ITGA4: variants seen among roughly 807,000 people sequenced by gnomAD.
ITGA4 encodes the protein integrin subunit alpha 4, also known as integrin alpha-4.
ITGA4 carries 63 observed loss-of-function variants against 133.6 expected under a neutral mutation model. That is an observed-to-expected ratio of 0.47 (90% CI 0.38 to 0.58). The LOEUF (loss-of-function observed/expected upper bound fraction) is 0.58, where lower values mean the gene tolerates loss of function less well. Among genes scored for constraint, ITGA4 ranks in the 20% least tolerant of loss-of-function variants. ITGA4 has a pLI of 0.00. For missense variants in ITGA4, 1,076 were observed against 1,252.7 expected (o/e 0.86, Z 2.13); for synonymous variants, 483 against 438.0 (o/e 1.10, Z -1.28).
At chr2:181,475,730 C>G in intron 4 of ITGA4, 2 of 1,496,252 alleles carry the variant, frequency 1.3e-6, no homozygotes, top group South Asian at 1.3e-5. Flanking sequence ...CTCACTATCT[C>G]TTTTTCTAAT....
chr2:181,501,639 A>G (rs928406988), intron 15 of ITGA4, among the ~76,000 whole-genome samples: 12 of 152,212 alleles, frequency 7.9e-5, no homozygotes, highest in South Asian at 4.1e-4. Flanking sequence ...CTGACATCCA[A>G]TTTACAATTT....
intron 2 of ITGA4, among the ~76,000 whole-genome samples, chr2:181,470,334 T>C (rs1685517981): frequency 6.6e-6 from 1 of 152,126 alleles, no homozygotes; most frequent in South Asian, 2.1e-4. Context: ...GTCAGTGTAC[T>C]TTACGTATGG....
Position 181,537,917 on chromosome 2 carries a change from CAGCAGCAGCATT to C in ITGA4, c.*2393_*2404del, listed in dbSNP as rs769084149. The C allele has an allele frequency of 1.7e-6, 1 of 581,120 alleles. No individual in the cohort carries two copies. The highest frequency in any genetic ancestry group is 1.8e-5 in the African/African-American group (1 of 54,636). The allele number at this position is 581,120 out of a possible 1,614,324, so 36.0% of individuals were successfully genotyped here. On this transcript the variant is annotated 3_prime_UTR_variant, in exon 28 of 28. Transcript: ENST00000397033. ...TACTGAGTTCCTCCCCCTGTCAGAT[CAGCAGCAGCATT>C]AGATTCTCATAGAAGTGCGAACCAT...
intron 15 of ITGA4, among the ~76,000 whole-genome samples, chr2:181,505,515 T>C (rs556228267): frequency 5.9e-5 from 9 of 152,202 alleles, no homozygotes; most frequent in South Asian, 4.1e-4. Flanking sequence ...TTATTTTTAA[T>C]ATAGATAGCA....
chr2:181,494,221 CAT>C (rs1261807806), intron 11 of ITGA4, among the ~76,000 whole-genome samples: 1 of 152,206 alleles, frequency 6.6e-6, no homozygotes, highest in Non-Finnish European at 1.5e-5. Context: ...AAGCCTCAGT[CAT>C]AGGCTCCACT....
At chr2:181,513,205 C>G (rs1157883210) in intron 17 of ITGA4, among the ~76,000 whole-genome samples, 2 of 152,042 alleles carry the variant, frequency 1.3e-5, no homozygotes, top group Non-Finnish European at 2.9e-5. Context: ...CCTTGGTAGT[C>G]TTGCTCATAA....
intron 4 of ITGA4, chr2:181,475,844 G>T: frequency 6.2e-7 from 1 of 1,603,740 alleles, no homozygotes; most frequent in Non-Finnish European, 8.5e-7. Context: ...TACAGAGCTA[G>T]GACATAACAG....
At chr2:181,493,253 A>C in intron 10 of ITGA4, 72 bp from the exon 11 acceptor site, 1 of 931,044 alleles carries the variant, frequency 1.1e-6, no homozygotes, top group South Asian at 1.4e-5. Context: ...ATTAAGGTTC[A>C]TAAGGTTAGT....
At position 181,495,991 on chromosome 2, in the gene ITGA4, C is replaced by A; in HGVS notation, c.1540+54C>A. ...GATGGGGTGCGGTTCATTCATTAATCCCACAATCCTGCTTGGAGCCCTCAC... is the reference window on the plus strand; with the variant it reads ...GATGGGGTGCGGTTCATTCATTAATACCACAATCCTGCTTGGAGCCCTCAC... On this transcript the variant is annotated intron_variant, in intron 14 of 27. Coordinates refer to ENST00000397033, the MANE Select transcript of ITGA4 (RefSeq NM_000885.6). This position sits in a 1 kb window ranked among gnomAD's most constrained non-coding sequence, Gnocchi z 4.3. 2 of 1,558,966 alleles carry A rather than the reference C, an allele frequency of 1.3e-6. No homozygotes were observed. The highest frequency in any genetic ancestry group is 1.7e-5 in the Admixed American group (1 of 57,358).
intron 2 of ITGA4, among the ~76,000 whole-genome samples, chr2:181,463,069 A>G (rs558703683): frequency 1.8e-4 from 27 of 152,292 alleles, no homozygotes; most frequent in African/African-American, 5.8e-4. Flanking sequence ...ATTGGTGTTC[A>G]AGTGGGGGAA....
chr2:181,517,225 G>T (rs1291916831), intron 17 of ITGA4, among the ~76,000 whole-genome samples: 1 of 152,046 alleles, frequency 6.6e-6, no homozygotes, highest in East Asian at 1.9e-4. Context: ...ACATAGTGAA[G>T]TATGGTATCA....
rs148757651 is a variant in ITGA4, at chr2:181,509,632, A to G, written c.1696-26A>G. ...TTAATCTACGTGCTTGTTTTTGTTA[A>G]TTCATATGGTGGTTATTTTCCTTAG... On this transcript the variant is annotated intron_variant, in intron 15 of 27. Transcript: ENST00000397033. 1,073 of 1,533,658 alleles carry G rather than the reference A, an allele frequency of 7.0e-4. 11 individuals carry two copies. In the African/African-American group the frequency reaches 0.014, roughly 20 times the overall value.
intron 20 of ITGA4, 60 bp from the exon 21 acceptor site, chr2:181,525,138 ATTAG>A (rs1055795177): frequency 2.2e-6 from 2 of 901,324 alleles, no homozygotes; most frequent in African/African-American, 3.3e-5. Context: ...AGGGTATGTA[ATTAG>A]TTCTCTCTGA....
intron 2 of ITGA4, chr2:181,459,163 A>G (rs1490159437): frequency 6.6e-6 from 1 of 152,238 alleles, no homozygotes; most frequent in Non-Finnish European, 1.5e-5. Context: ...TTTATGTATG[A>G]GGACTGTGGC....
chr2:181,524,581 A>G (rs1165161310), intron 20 of ITGA4, among the ~76,000 whole-genome samples: 1 of 152,184 alleles, frequency 6.6e-6, no homozygotes, highest in Non-Finnish European at 1.5e-5. Context: ...TTCCATAGAT[A>G]TGTCTCCTAG....
At chr2:181,458,094 GT>G in intron 1 of ITGA4, 101 bp from the exon 2 acceptor site, 8 of 1,505,730 alleles carry the variant, frequency 5.3e-6, no homozygotes, top group Non-Finnish European at 7.3e-6. Context: ...GGAGGAGGAG[GT>G]GGGGAAGCTG....
rs755778714 is a variant in ITGA4, at chr2:181,523,572, A to C, written c.2169+40A>C. On this transcript the variant is annotated intron_variant, in intron 19 of 27. Transcript: ENST00000397033. The surrounding 1 kb of genome is among the most constrained non-coding windows in gnomAD (Gnocchi z 4.2). ...TTTATGGCTTTTGTTCACTATCATG[A>C]ATATTTTTTTCTATTCTTCCCTATC... The C allele has an allele frequency of 3.6e-6, 4 of 1,118,470 alleles. No individual in the cohort carries two copies. The South Asian group carries it at 5.3e-5, about 15-fold the overall frequency. 69.3% of individuals were successfully genotyped at this position (1,118,470 alleles called of 1,614,324 possible). A position where few individuals can be genotyped will look rare whatever the true frequency, so the allele number is the denominator to read the frequency against.
intron 11 of ITGA4, among the ~76,000 whole-genome samples, chr2:181,493,904 T>TG (rs1209878541): frequency 5.1e-5 from 7 of 137,662 alleles, no homozygotes; most frequent in African/African-American, 1.9e-4. Flanking sequence ...TTTTGTATGT[T>TG]GAAAAATCAT....
intron 2 of ITGA4, among the ~76,000 whole-genome samples, chr2:181,472,659 TATA>T (rs1347421560): frequency 1.3e-5 from 2 of 152,244 alleles, no homozygotes; most frequent in Admixed American, 6.5e-5. Flanking sequence ...AAAATTGTAT[TATA>T]ATGAAAATTA....
Sources: gnomAD v4.1 joint callset for allele counts (sites outside exome capture counted in the v4.1 genomes callset) on GRCh38, gnomAD v4.1.1 for gene constraint, Gnocchi (gnomAD v3.1) non-coding constraint, MANE v1.5 for transcripts, NCBI Gene and HGNC (gene_info 2026-07-23, HGNC 2026-07-21) for gene names.